PYGO1: variants seen among roughly 807,000 people sequenced by gnomAD.
PYGO1 encodes the protein pygopus family PHD finger 1.
A neutral mutation model predicts 29.5 loss-of-function variants in PYGO1; 6 were observed. The observed-to-expected ratio is 0.20, with a 90% CI of 0.11 to 0.40. The LOEUF (loss-of-function observed/expected upper bound fraction) is 0.40, where lower values mean the gene tolerates loss of function less well. Among genes scored for constraint, PYGO1 ranks in the 10% least tolerant of loss-of-function variants. The pLI is 1.00. For missense variants in PYGO1, 515 were observed against 514.9 expected (o/e 1.00, Z 0.00); for synonymous variants, 186 against 180.5 (o/e 1.03, Z -0.24).
In PYGO1 at chr15:55,545,850, C is replaced by A; in HGVS notation, c.*173G>T. 2 of 626,832 alleles carry A rather than the reference C, an allele frequency of 3.2e-6. No homozygotes were observed. Among genetic ancestry groups the A allele is most frequent in the Non-Finnish European group, 5.2e-6 (2 of 384,520 alleles). The allele number at this position is 626,832 out of a possible 1,614,324, so 38.8% of individuals were successfully genotyped here. A position where few individuals can be genotyped will look rare whatever the true frequency, so the allele number is the denominator to read the frequency against. On this transcript the variant is annotated 3_prime_UTR_variant, in exon 3 of 3. Coordinates refer to ENST00000563719, the MANE Select transcript of PYGO1 (RefSeq NM_001367806.1). ...CCATATACATTATTCTCATTTAAGA[C>A]AGCAAGCAAAGACAATAAAAAATTT...
At chr15:55,564,332 A>T (rs34509025) in intron 1 of PYGO1, among the ~76,000 whole-genome samples, 1,542 of 152,348 alleles carry the variant, frequency 0.01, 14 homozygotes, top group South Asian at 0.038. Flanking sequence ...CACATGTTGC[A>T]TGATTCCATT....
rs557531737 is a variant in PYGO1, at chr15:55,558,292, G to A, written c.50-9297C>T. Among the ~76,000 whole-genome samples the A allele has an allele frequency of 3.1e-4, 35 of 113,854 alleles. 1 individual carries two copies. The South Asian group carries it at 0.01, about 33-fold the overall frequency. The allele number at this position is 113,854 out of a possible 152,430, so 74.7% of individuals were successfully genotyped here. On this transcript the variant is annotated intron_variant, in intron 1 of 2. Coordinates refer to ENST00000563719, the MANE Select transcript of PYGO1 (RefSeq NM_001367806.1). ...AAATACCTAGGAATCCAACTTACAA[G>A]GGATGTGAAGGACCTCTTCAAGAAC...
intron 1 of PYGO1, among the ~76,000 whole-genome samples, chr15:55,565,889 C>T (rs948096320): frequency 6.6e-6 from 1 of 152,114 alleles, no homozygotes; most frequent in African/African-American, 2.4e-5. Flanking sequence ...TCAAGAGATT[C>T]TCCTGCCTCA....
At chr15:55,568,118 C>T (rs1373795670) in intron 1 of PYGO1, among the ~76,000 whole-genome samples, 2 of 151,858 alleles carry the variant, frequency 1.3e-5, no homozygotes, top group Admixed American at 1.3e-4. Flanking sequence ...TGAAAAATTC[C>T]ATTGTAGTTT....
rs1030373825 is a variant in PYGO1, at chr15:55,542,511, A to G, written c.*3512T>C. On this transcript the variant is annotated 3_prime_UTR_variant, in exon 3 of 3. Coordinates refer to ENST00000563719, the MANE Select transcript of PYGO1 (RefSeq NM_001367806.1). ...TTCTAAGCACTCTGTCTGAAGAACA[A>G]TTTATCTTTCACAAGCTGAGCTGTT... 1 of 152,210 alleles carries G rather than the reference A, an allele frequency of 6.6e-6. No individual in the cohort carries two copies. The highest frequency in any genetic ancestry group is 2.4e-5 in the African/African-American group (1 of 41,456). 9.4% of individuals were successfully genotyped at this position (152,210 alleles called of 1,614,324 possible). A position where few individuals can be genotyped will look rare whatever the true frequency, so the allele number is the denominator to read the frequency against.
chr15:55,585,657 A>G (rs185514716), intron 1 of PYGO1, among the ~76,000 whole-genome samples: 66 of 152,344 alleles, frequency 4.3e-4, no homozygotes, highest in Admixed American at 1.9e-3. Flanking sequence ...TAGCTACGCC[A>G]TAGAACTTAA....
chr15:55,548,958 A>G lies in PYGO1; in HGVS notation c.87T>C (p.Gly29=). 2 of 1,612,852 alleles carry G rather than the reference A, an allele frequency of 1.2e-6. No homozygotes were observed. Among genetic ancestry groups the G allele is most frequent in the African/African-American group, 1.3e-5 (1 of 74,920 alleles). The change falls in exon 2 of 3, where the codon GGT becomes GGC. Residue 29 remains glycine, a synonymous_variant. Transcript: ENST00000563719. ...DSGLDGLGGP[G]VQLGSPDKKK... is the part of the protein sequence containing the mutation. ...TCTTATCTGGGCTTCCTAGTTGTAC[A>G]CCTGGTCCTCCTAACCCATCCAGTC...
At chr15:55,588,846 C>A, upstream of PYGO1, 1 of 1,613,716 alleles carries the variant, frequency 6.2e-7, no homozygotes, top group African/African-American at 1.3e-5. Context: ...GAGTTCTCGG[C>A]GGGCATGTGG....
intron 1 of PYGO1, among the ~76,000 whole-genome samples, chr15:55,555,623 T>C (rs1595984126): frequency 1.3e-5 from 2 of 151,864 alleles, no homozygotes; most frequent in South Asian, 2.1e-4. Context: ...TGTATACATA[T>C]GTAACAAACC....
At chr15:55,573,313 G>GAA (rs113821324) in intron 1 of PYGO1, among the ~76,000 whole-genome samples, 16 of 144,936 alleles carry the variant, frequency 1.1e-4, no homozygotes, top group African/African-American at 3.0e-4. Context: ...CTCAAAAAAG[G>GAA]AAAAAAAAAA....
intron 1 of PYGO1, among the ~76,000 whole-genome samples, chr15:55,557,472 A>G (rs1449523026): frequency 6.6e-6 from 1 of 152,210 alleles, no homozygotes; most frequent in East Asian, 1.9e-4. Context: ...AAAAAGAGGG[A>G]ATCCTCCCCA....
Position 55,540,017 on chromosome 15 carries a change from A to G in PYGO1, c.*6006T>C, listed in dbSNP as rs1000216865. On this transcript the variant is annotated 3_prime_UTR_variant, in exon 3 of 3. Coordinates refer to ENST00000563719, the MANE Select transcript of PYGO1 (RefSeq NM_001367806.1). Reference sequence around the variant, plus strand: ...ATGTACAAATTTGCATTGGCCAAGTATTACTTATTACAATTCTTTTGGGTA... The same window carrying G: ...ATGTACAAATTTGCATTGGCCAAGTGTTACTTATTACAATTCTTTTGGGTA... 1 of 152,098 alleles carries G rather than the reference A, an allele frequency of 6.6e-6. No homozygotes were observed. The highest frequency in any genetic ancestry group is 2.4e-5 in the African/African-American group (1 of 41,448). 9.4% of individuals were successfully genotyped at this position (152,098 alleles called of 1,614,324 possible). A position where few individuals can be genotyped will look rare whatever the true frequency, so the allele number is the denominator to read the frequency against.
chr15:55,545,778 G>T lies in PYGO1; in HGVS notation c.*245C>A. 1 of 347,208 alleles carries T rather than the reference G, an allele frequency of 2.9e-6. No individual in the cohort carries two copies. The highest frequency in any genetic ancestry group is 5.1e-6 in the Non-Finnish European group (1 of 194,840). 21.5% of individuals were successfully genotyped at this position (347,208 alleles called of 1,614,324 possible). A position where few individuals can be genotyped will look rare whatever the true frequency, so the allele number is the denominator to read the frequency against. ...GAAGTTTCAAGAGGCTTTTATGTTTGTGATAAATAACAACAACTAACATTT... is the reference window on the plus strand; with the variant it reads ...GAAGTTTCAAGAGGCTTTTATGTTTTTGATAAATAACAACAACTAACATTT... On this transcript the variant is annotated 3_prime_UTR_variant, in exon 3 of 3. Coordinates refer to ENST00000563719, the MANE Select transcript of PYGO1 (RefSeq NM_001367806.1).
chr15:55,583,561 G>C (rs1567061134), intron 1 of PYGO1, among the ~76,000 whole-genome samples: 2 of 151,992 alleles, frequency 1.3e-5, no homozygotes, highest in African/African-American at 2.4e-5. Context: ...CTGTCACCTA[G>C]GCTGGAGTGT....
rs912473619 is a variant in PYGO1 at position 55,544,614 on chromosome 15, G to A, written c.*1409C>T. On this transcript the variant is annotated 3_prime_UTR_variant, in exon 3 of 3. Transcript: ENST00000563719. ...AATTTCTTGATAATATGCTGCTGCC[G>A]TCATTGTTTCACTTGGGTTTAAATA... 10 of 152,074 alleles carry A rather than the reference G, an allele frequency of 6.6e-5. No homozygotes were observed. Among genetic ancestry groups the A allele is most frequent in the African/African-American group, 1.9e-4 (8 of 41,402 alleles). 9.4% of individuals were successfully genotyped at this position (152,074 alleles called of 1,614,324 possible). A position where few individuals can be genotyped will look rare whatever the true frequency, so the allele number is the denominator to read the frequency against.
In PYGO1 at chr15:55,539,034, A is replaced by G. The variant is rs996092189; in HGVS notation, c.*6989T>C. On this transcript the variant is annotated 3_prime_UTR_variant, in exon 3 of 3. Coordinates refer to ENST00000563719, the MANE Select transcript of PYGO1 (RefSeq NM_001367806.1). ...TATATACTGATAAACAACATTCCTTATACAACGCACAAATAACATTAAGCA... is the reference window on the plus strand; with the variant it reads ...TATATACTGATAAACAACATTCCTTGTACAACGCACAAATAACATTAAGCA... 1.3e-5 allele frequency: 2 copies of G among 152,194 alleles called. No individual in the cohort carries two copies. Among genetic ancestry groups the G allele is most frequent in the Non-Finnish European group, 2.9e-5 (2 of 68,024 alleles). 9.4% of individuals were successfully genotyped at this position (152,194 alleles called of 1,614,324 possible).
At chr15:55,555,638 C>T (rs1197943932) in intron 1 of PYGO1, among the ~76,000 whole-genome samples, 5 of 151,582 alleles carry the variant, frequency 3.3e-5, no homozygotes, top group African/African-American at 7.3e-5. Flanking sequence ...CAAACCTGCA[C>T]GTTGTGCACA....
intron 1 of PYGO1, among the ~76,000 whole-genome samples, chr15:55,551,347 T>C (rs1000297408): frequency 2.0e-5 from 3 of 152,206 alleles, no homozygotes; most frequent in African/African-American, 7.2e-5. Flanking sequence ...AATTACCACA[T>C]ACTTGCTTTG....
Position 55,546,713 on chromosome 15 carries a change from C to T in PYGO1, c.570G>A (p.Gln190=). 1.2e-6 allele frequency: 2 copies of T among 1,613,918 alleles called. No homozygotes were observed. Among genetic ancestry groups the T allele is most frequent in the Non-Finnish European group, 1.7e-6 (2 of 1,179,874 alleles). ...PAENFSQIPP[Q]NASQVSNPDL... ...CGGGGTTAGAAACTTGGCTAGCATTCTGTGGAGGAATTTGACTGAAATTTT... is the reference window on the plus strand; with the variant it reads ...CGGGGTTAGAAACTTGGCTAGCATTTTGTGGAGGAATTTGACTGAAATTTT... Residue 190 remains glutamine (Q), a synonymous_variant, in exon 3 of 3, where the codon CAG becomes CAA. Transcript: ENST00000563719.
Sources: allele counts gnomAD v4.1 joint callset (sites outside exome capture counted in the v4.1 genomes callset), GRCh38; gene constraint gnomAD v4.1.1; transcripts MANE v1.5; gene names NCBI Gene and HGNC (gene_info 2026-07-23, HGNC 2026-07-21).